Variants in TMEM132D observed in about 807,000 individuals in gnomAD.
TMEM132D encodes mature OL transmembrane protein.
TMEM132D carries 21 observed loss-of-function variants against 62.3 expected under a neutral mutation model. The ratio of observed to expected loss-of-function variants is 0.34; its 90% CI spans 0.24 to 0.49. The LOEUF (loss-of-function observed/expected upper bound fraction) is 0.49. Among genes scored for constraint, TMEM132D ranks in the 20% least tolerant of loss-of-function variants. TMEM132D has a pLI of 0.99. For missense variants in TMEM132D, 1,346 were observed against 1,402.8 expected (o/e 0.96, Z 0.65); for synonymous variants, 621 against 575.6 (o/e 1.08, Z -1.13).
chr12:129,397,724 CA>C (rs1483526082), intron 3 of TMEM132D, among the ~76,000 whole-genome samples: 1 of 152,156 alleles, frequency 6.6e-6, no homozygotes, highest in Non-Finnish European at 1.5e-5. Context: ...CTTTATCTGT[CA>C]AAGCTTTTCT....
intron 1 of TMEM132D, among the ~76,000 whole-genome samples, chr12:129,862,686 C>A (rs1359235104): frequency 6.6e-6 from 1 of 152,072 alleles, no homozygotes; most frequent in Non-Finnish European, 1.5e-5. Flanking sequence ...TATTTGAATT[C>A]CATTAAGAGC....
chr12:129,255,621 G>A (rs1397407880), intron 4 of TMEM132D, among the ~76,000 whole-genome samples: 1 of 152,150 alleles, frequency 6.6e-6, no homozygotes. Flanking sequence ...GTTTATCTGT[G>A]TTTATACCTG....
At chr12:129,810,918 G>A (rs1191892748) in intron 1 of TMEM132D, among the ~76,000 whole-genome samples, 1 of 152,126 alleles carries the variant, frequency 6.6e-6, no homozygotes, top group Non-Finnish European at 1.5e-5. Flanking sequence ...ATTGGGCACT[G>A]ATGGTATTGC....
intron 3 of TMEM132D, among the ~76,000 whole-genome samples, chr12:129,447,211 A>G (rs573497280): frequency 1.1e-4 from 16 of 152,242 alleles, no homozygotes; most frequent in African/African-American, 3.9e-4. Flanking sequence ...CCAGCACTTT[A>G]TCCAATTTTT....
intron 2 of TMEM132D, among the ~76,000 whole-genome samples, chr12:129,638,765 T>C (rs552691704): frequency 1.4e-4 from 22 of 152,054 alleles, no homozygotes; most frequent in South Asian, 6.2e-4. Context: ...ACAGGTGCGA[T>C]GTTTGTGAAC....
intron 2 of TMEM132D, among the ~76,000 whole-genome samples, chr12:129,694,420 A>C (rs766035053): frequency 3.9e-5 from 6 of 152,242 alleles, no homozygotes; most frequent in Non-Finnish European, 8.8e-5. Context: ...CAGCTACAGG[A>C]GTGTTAAAGC....
intron 2 of TMEM132D, among the ~76,000 whole-genome samples, chr12:129,615,576 C>T (rs1171869686): frequency 3.4e-5 from 5 of 146,226 alleles, no homozygotes; most frequent in African/African-American, 1.3e-4. Flanking sequence ...TATAGTGAGA[C>T]CCCATCTCAA....
In TMEM132D at chr12:129,074,438, G is replaced by A. The variant is rs530759381; in HGVS notation, c.2737C>T (p.Leu913=). The change falls in exon 9 of 9, where the codon CTG becomes TTG. Residue 913 remains leucine (L), a synonymous_variant. Coordinates refer to ENST00000422113, the MANE Select transcript of TMEM132D (RefSeq NM_133448.3). Reference sequence around the variant, plus strand: ...TACATCCCAATTTCTAAGTCGCTCAGCCCTTTGGATGCCTGCATAAGGTCA... The same window carrying A: ...TACATCCCAATTTCTAAGTCGCTCAACCCTTTGGATGCCTGCATAAGGTCA... ...GNDLMQASKG[L]SDLEIGMYAL... 1.2e-6 allele frequency: 2 copies of A among 1,614,154 alleles called. No individual in the cohort carries two copies. The highest frequency in any genetic ancestry group is 1.3e-5 in the African/African-American group (1 of 75,032).
intron 2 of TMEM132D, among the ~76,000 whole-genome samples, chr12:129,668,328 T>C (rs1006813346): frequency 2.0e-5 from 3 of 151,010 alleles, no homozygotes; most frequent in African/African-American, 7.3e-5. Flanking sequence ...TGTAAAATTG[T>C]TGTATGCCAC....
At chr12:129,469,561 G>C (rs961982372) in intron 3 of TMEM132D, among the ~76,000 whole-genome samples, 4 of 152,144 alleles carry the variant, frequency 2.6e-5, no homozygotes, top group African/African-American at 9.7e-5. Context: ...ACAATGTACA[G>C]TCCATCCATC....
Position 129,793,743 on chromosome 12 carries a change from C to T in TMEM132D, c.80-93045G>A, listed in dbSNP as rs191496686. 2.9e-3 allele frequency among the ~76,000 whole-genome samples: 446 copies of T among 152,246 alleles called. 5 individuals are homozygous for T. The highest frequency in any genetic ancestry group is 0.01 in the African/African-American group (436 of 41,554). On this transcript the variant is annotated intron_variant, in intron 1 of 8. Coordinates refer to ENST00000422113, the MANE Select transcript of TMEM132D (RefSeq NM_133448.3). ...AATTTTTGTACCATTTTCCAGTTTCCGCTTATCTGAAATTTAGGAGTACCC... is the reference window on the plus strand; with the variant it reads ...AATTTTTGTACCATTTTCCAGTTTCTGCTTATCTGAAATTTAGGAGTACCC...
chr12:129,664,674 C>T (rs1006706835), intron 2 of TMEM132D, among the ~76,000 whole-genome samples: 3 of 152,136 alleles, frequency 2.0e-5, no homozygotes, highest in Non-Finnish European at 4.4e-5. Flanking sequence ...ATCTGCCTGT[C>T]TCAGCCTCCC....
At chr12:129,643,031 T>G (rs1023158284) in intron 2 of TMEM132D, among the ~76,000 whole-genome samples, 12 of 149,604 alleles carry the variant, frequency 8.0e-5, no homozygotes, top group Middle Eastern at 3.4e-3. Flanking sequence ...TTCAAGGGAT[T>G]CTCCCGCCTC....
At chr12:129,547,855 G>A (rs562988041) in intron 2 of TMEM132D, among the ~76,000 whole-genome samples, 3 of 152,318 alleles carry the variant, frequency 2.0e-5, no homozygotes, top group East Asian at 3.9e-4. Context: ...CTGCAGCACA[G>A]AGAGGTTGAG....
intron 2 of TMEM132D, among the ~76,000 whole-genome samples, chr12:129,567,375 A>G (rs1877395207): frequency 6.6e-6 from 1 of 152,246 alleles, no homozygotes; most frequent in African/African-American, 2.4e-5. Context: ...GTTCATTGAT[A>G]GGATTTTAGA....
intron 3 of TMEM132D, among the ~76,000 whole-genome samples, chr12:129,363,020 C>G (rs1305172551): frequency 6.6e-6 from 1 of 152,180 alleles, no homozygotes; most frequent in Admixed American, 6.5e-5. Context: ...CTACATCTGG[C>G]AACTCAGTGC....
chr12:129,883,544 C>G (rs1874667792), intron 1 of TMEM132D, among the ~76,000 whole-genome samples: 2 of 152,142 alleles, frequency 1.3e-5, no homozygotes, highest in Non-Finnish European at 2.9e-5. Flanking sequence ...AATTCACAAG[C>G]TAGTTCCAAA....
intron 5 of TMEM132D, among the ~76,000 whole-genome samples, chr12:129,185,521 T>C (rs1246197427): frequency 6.6e-6 from 1 of 152,018 alleles, no homozygotes; most frequent in Non-Finnish European, 1.5e-5. Flanking sequence ...TGTTCTTTTA[T>C]TTTTCATCAC....
intron 3 of TMEM132D, among the ~76,000 whole-genome samples, chr12:129,340,873 T>C (rs116724510): frequency 0.018 from 2,802 of 152,364 alleles, 82 homozygotes; most frequent in African/African-American, 0.061. Flanking sequence ...TCAGGAAGGT[T>C]GTACCTTGAG....
Sources: gnomAD v4.1 joint callset for allele counts (sites outside exome capture counted in the v4.1 genomes callset) on GRCh38, gnomAD v4.1.1 for gene constraint, MANE v1.5 for transcripts, NCBI Gene and HGNC (gene_info 2026-07-23, HGNC 2026-07-21) for gene names.